Variants in SPMAP2L observed in about 807,000 individuals in gnomAD.
SPMAP2L encodes sperm microtubule associated protein 2-like.
the SPMAP2L span, chr4:56,593,750 C>T: frequency 5.7e-6 from 9 of 1,574,482 alleles, no homozygotes; most frequent in South Asian, 8.9e-5. Context: ...TTGTCTTGCT[C>T]TTCAAACCAG....
At chr4:56,593,337 G>A in the SPMAP2L span, 13,097 of 1,146,780 alleles carry the variant, frequency 0.011, 116 homozygotes, top group Non-Finnish European at 0.015. Context: ...GCCACCCACA[G>A]ACAATAGCTG....
chr4:56,557,762 T>A, the SPMAP2L span: 1 of 152,206 alleles, frequency 6.6e-6, no homozygotes, highest in Non-Finnish European at 1.5e-5. Flanking sequence ...GTGGTATGGA[T>A]AAAGATCCTA....
chr4:56,553,796 A>G, the SPMAP2L span, among the ~76,000 whole-genome samples: 1 of 152,150 alleles, frequency 6.6e-6, no homozygotes, highest in Admixed American at 6.6e-5. Context: ...GGACAGTTTC[A>G]TCGCCCTAAA....
the SPMAP2L span, among the ~76,000 whole-genome samples, chr4:56,623,270 T>C: frequency 2.6e-5 from 4 of 152,206 alleles, no homozygotes; most frequent in Non-Finnish European, 5.9e-5. Flanking sequence ...CCCCCACCCA[T>C]GGAAAACTCT....
chr4:56,534,587 C>T, the SPMAP2L span, among the ~76,000 whole-genome samples: 2 of 152,094 alleles, frequency 1.3e-5, no homozygotes, highest in Non-Finnish European at 2.9e-5. Flanking sequence ...GTTTTATAAC[C>T]AGTCATTGAT....
the SPMAP2L span, among the ~76,000 whole-genome samples, chr4:56,544,375 G>A: frequency 6.6e-6 from 1 of 152,118 alleles, no homozygotes; most frequent in Non-Finnish European, 1.5e-5. Flanking sequence ...TTAAGAGCTT[G>A]CATATACGGT....
chr4:56,594,769 G>A, the SPMAP2L span: 5 of 1,511,048 alleles, frequency 3.3e-6, no homozygotes, highest in South Asian at 2.2e-5. Context: ...CCACCAATGG[G>A]GTGTTTGAAG....
the SPMAP2L span, chr4:56,552,467 C>T: frequency 4.6e-6 from 3 of 654,418 alleles, no homozygotes; most frequent in Admixed American, 2.4e-5. Flanking sequence ...CTTTTTTTTC[C>T]CCCCTCCTAT....
At chr4:56,575,460 A>T in the SPMAP2L span, 5 of 1,529,088 alleles carry the variant, frequency 3.3e-6, no homozygotes, top group African/African-American at 6.9e-5. Context: ...ACAATTTGAA[A>T]TCATGCTTGT....
At chr4:56,548,700 T>G in the SPMAP2L span, 1 of 893,644 alleles carries the variant, frequency 1.1e-6, no homozygotes, top group Admixed American at 3.6e-5. Context: ...TTTTTCTAAC[T>G]CCTTTCTCTT....
At chr4:56,535,520 C>T in the SPMAP2L span, among the ~76,000 whole-genome samples, 1 of 152,140 alleles carries the variant, frequency 6.6e-6, no homozygotes, top group South Asian at 2.1e-4. Context: ...TCATGACCCT[C>T]TCATGCAGAC....
the SPMAP2L span, among the ~76,000 whole-genome samples, chr4:56,597,858 T>G: frequency 6.6e-6 from 1 of 151,984 alleles, no homozygotes; most frequent in Non-Finnish European, 1.5e-5. Context: ...TTTGTTTTTT[T>G]TGTGATGGTG....
the SPMAP2L span, among the ~76,000 whole-genome samples, chr4:56,603,931 C>T: frequency 6.6e-6 from 1 of 152,106 alleles, no homozygotes; most frequent in African/African-American, 2.4e-5. Context: ...AGTCACTTAC[C>T]ATGAATGAGA....
the SPMAP2L span, among the ~76,000 whole-genome samples, chr4:56,560,478 A>G: frequency 6.6e-6 from 1 of 152,096 alleles, no homozygotes; most frequent in Non-Finnish European, 1.5e-5. Context: ...TTTTGCTTCC[A>G]TTCTTGTGGT....
the SPMAP2L span, among the ~76,000 whole-genome samples, chr4:56,574,536 C>T: frequency 1.1e-4 from 17 of 152,178 alleles, no homozygotes; most frequent in South Asian, 3.1e-3. Flanking sequence ...GAATGTATTC[C>T]TAAACTCAGT....
chr4:56,552,999 G>T, the SPMAP2L span, among the ~76,000 whole-genome samples: 1 of 151,970 alleles, frequency 6.6e-6, no homozygotes, highest in Admixed American at 6.6e-5. Flanking sequence ...CAGCTTTGCT[G>T]CCTGTATCTC....
chr4:56,611,320 T>A, the SPMAP2L span, among the ~76,000 whole-genome samples: 1 of 152,186 alleles, frequency 6.6e-6, no homozygotes, highest in Non-Finnish European at 1.5e-5. Context: ...AGACTATTAT[T>A]CTAAGAAGTA....
chr4:56,597,717 G>A, the SPMAP2L span, among the ~76,000 whole-genome samples: 84 of 152,100 alleles, frequency 5.5e-4, 2 homozygotes, highest in Middle Eastern at 0.01. Flanking sequence ...ATTTTTTAAG[G>A]TCTTTAGAAA....
At chr4:56,542,941 T>A in the SPMAP2L span, among the ~76,000 whole-genome samples, 1 of 152,122 alleles carries the variant, frequency 6.6e-6, no homozygotes, top group Non-Finnish European at 1.5e-5. Context: ...CCTTTGAACC[T>A]GTGTTTGATG....
Sources: allele counts gnomAD v4.1 joint callset (sites outside exome capture counted in the v4.1 genomes callset), GRCh38; gene constraint gnomAD v4.1.1; transcripts MANE v1.5; gene names NCBI Gene and HGNC (gene_info 2026-07-23, HGNC 2026-07-21).